FBXO15: variants seen among roughly 807,000 people sequenced by gnomAD.
FBXO15 encodes the protein F-box only protein 15.
Under a neutral mutation model 49.5 loss-of-function variants are expected in FBXO15, and 30 were observed. That is an observed-to-expected ratio of 0.61 (90% confidence interval 0.45 to 0.82). FBXO15 has a LOEUF of 0.82. Ranked by LOEUF, FBXO15 falls within the 40% of genes least tolerant of loss-of-function variation. The pLI, the probability that FBXO15 is intolerant of heterozygous loss-of-function variation, is 0.00. For synonymous variants in FBXO15, 250 were observed against 232.7 expected (o/e 1.07, Z -0.68); for missense variants, 591 against 631.5 (o/e 0.94, Z 0.69).
In FBXO15 at chr18:74,073,614, C is replaced by G; in HGVS notation, c.1380G>C (p.Leu460Phe). 1 of 1,614,170 alleles carries G rather than the reference C, an allele frequency of 6.2e-7. No homozygotes were observed. Among genetic ancestry groups the G allele is most frequent in the Non-Finnish European group, 8.5e-7 (1 of 1,180,026 alleles). Residue 460 changes from leucine (L) to phenylalanine (F), a missense_variant, in exon 10 of 10, where the codon TTG (leucine) becomes TTC (phenylalanine). Transcript: ENST00000419743. The stretch of plus-strand genomic sequence containing the variant: ...CGTAGTCCACGTTGTATGTCTGTCC[C>G]AAGAAGCTAGAGCTGTCAGAGGGTG... ...PATPSDSSSFLGQTYNVDYVD... is the reference protein window; with the variant it reads ...PATPSDSSSFFGQTYNVDYVD...
At chr18:74,083,742 G>A (rs1417596651) in intron 8 of FBXO15, among the ~76,000 whole-genome samples, 3 of 152,124 alleles carry the variant, frequency 2.0e-5, no homozygotes, top group South Asian at 2.1e-4. Flanking sequence ...AGCTCTTTCC[G>A]CCAACCCTCT....
At chr18:74,121,091 A>G (rs1914446386) in intron 8 of FBXO15, among the ~76,000 whole-genome samples, 1 of 152,168 alleles carries the variant, frequency 6.6e-6, no homozygotes, top group Non-Finnish European at 1.5e-5. Context: ...AATTCCTTAA[A>G]AGACAAAAAA....
chr18:74,091,711 G>A (rs1288036838), intron 8 of FBXO15, among the ~76,000 whole-genome samples: 3 of 152,138 alleles, frequency 2.0e-5, no homozygotes, highest in Non-Finnish European at 4.4e-5. Flanking sequence ...CTGACTAAAG[G>A]CACTCATTCT....
chr18:74,092,739 G>C (rs916955060), intron 8 of FBXO15, among the ~76,000 whole-genome samples: 1 of 152,134 alleles, frequency 6.6e-6, no homozygotes, highest in Non-Finnish European at 1.5e-5. Flanking sequence ...CCTCAGGATG[G>C]AAACCTGCTG....
Position 74,092,697 on chromosome 18 carries a change from A to C in FBXO15, c.1139-10646T>G, listed in dbSNP as rs973203786. 2.0e-5 allele frequency among the ~76,000 whole-genome samples: 3 copies of C among 152,278 alleles called. No homozygotes were observed. In the South Asian group the frequency reaches 6.2e-4, roughly 32 times the overall value. Reference sequence around the variant, plus strand: ...TGCATGTTTTAACTCTGGAAGACTGATATCATGACCCCAGCTTTGTTCTTT... The same window carrying C: ...TGCATGTTTTAACTCTGGAAGACTGCTATCATGACCCCAGCTTTGTTCTTT... On this transcript the variant is annotated intron_variant, in intron 8 of 9. Transcript: ENST00000419743.
chr18:74,142,901 G>T (rs1267354385), intron 1 of FBXO15, among the ~76,000 whole-genome samples: 1 of 152,012 alleles, frequency 6.6e-6, no homozygotes, highest in African/African-American at 2.4e-5. Flanking sequence ...TTTTTAAATG[G>T]TTATTATTGT....
chr18:74,093,948 G>A (rs1038578229), intron 8 of FBXO15, among the ~76,000 whole-genome samples: 4 of 152,214 alleles, frequency 2.6e-5, no homozygotes, highest in Admixed American at 2.0e-4. Context: ...AAAGACAAGA[G>A]AGAGACAAAA....
In FBXO15 at chr18:74,073,545, T is replaced by C; in HGVS notation, c.1449A>G (p.Arg483=). 1.2e-6 allele frequency: 2 copies of C among 1,614,202 alleles called. No homozygotes were observed. Among genetic ancestry groups the C allele is most frequent in the Non-Finnish European group, 1.7e-6 (2 of 1,180,044 alleles). ...TGACAATAAGGTATTCTTCGGTCTCTCTGATCCACACCAGCTCCACGTGCA... is the reference window on the plus strand; with the variant it reads ...TGACAATAAGGTATTCTTCGGTCTCCCTGATCCACACCAGCTCCACGTGCA... ...GRVHVELVWI[R]ETEEYLIVNL... The change falls in exon 10 of 10, where the codon AGA becomes AGG. Residue 483 remains arginine, a synonymous_variant. Transcript: ENST00000419743.
At chr18:74,082,949 A>G (rs1229484389) in intron 8 of FBXO15, among the ~76,000 whole-genome samples, 1 of 152,230 alleles carries the variant, frequency 6.6e-6, no homozygotes, top group African/African-American at 2.4e-5. Flanking sequence ...AAATAAAACC[A>G]AAGCCAAGCT....
chr18:74,090,547 A>G (rs1484924885), intron 8 of FBXO15, among the ~76,000 whole-genome samples: 5 of 152,158 alleles, frequency 3.3e-5, no homozygotes, highest in African/African-American at 1.2e-4. Flanking sequence ...GTTTAGTGCT[A>G]TAAACTTCCT....
At position 74,140,531 on chromosome 18, in the gene FBXO15, C is replaced by A. The variant is rs9949902; in HGVS notation, c.117-219G>T. On this transcript the variant is annotated intron_variant, in intron 1 of 9. Coordinates refer to ENST00000419743, the MANE Select transcript of FBXO15 (RefSeq NM_001142958.2). ...GAGACAGTGAAACCTTGATGGTAAGCAAGGAAGAAAGGCAGGGAGAAGGGA... is the reference window on the plus strand; with the variant it reads ...GAGACAGTGAAACCTTGATGGTAAGAAAGGAAGAAAGGCAGGGAGAAGGGA... 5.9e-3 allele frequency among the ~76,000 whole-genome samples: 636 copies of A among 107,000 alleles called. 97 individuals carry two copies. Among genetic ancestry groups the A allele is most frequent in the African/African-American group, 0.021 (580 of 27,836 alleles). The allele number at this position is 107,000 out of a possible 152,430, so 70.2% of individuals were successfully genotyped here.
Position 74,147,685 on chromosome 18 carries a change from C to A in FBXO15, c.101G>T (p.Arg34Met). ...CTACAGTCACCTGCACCCAAAGGCCCTGGCGCGCCCCCGGGCCGCGCCACC... is the reference window on the plus strand; with the variant it reads ...CTACAGTCACCTGCACCCAAAGGCCATGGCGCGCCCCCGGGCCGCGCCACC... ...RGGGAARGRA[R>M]AFGCRKGPGV... Residue 34 changes from arginine to methionine, a missense_variant, in exon 1 of 10, where the codon AGG becomes ATG. Arg to Met is a moderately conservative substitution (Grantham distance 91). Coordinates refer to ENST00000419743, the MANE Select transcript of FBXO15 (RefSeq NM_001142958.2). The A allele has an allele frequency of 6.7e-7, 1 of 1,496,650 alleles. No homozygotes were observed. The allele number at this position is 1,496,650 out of a possible 1,614,324, so 92.7% of individuals were successfully genotyped here.
At chr18:74,135,192 C>A (rs1444043036) in intron 3 of FBXO15, among the ~76,000 whole-genome samples, 3 of 152,278 alleles carry the variant, frequency 2.0e-5, no homozygotes, top group East Asian at 1.9e-4. Flanking sequence ...CACAGGTGAA[C>A]CCCTCTCTTT....
intron 8 of FBXO15, among the ~76,000 whole-genome samples, chr18:74,118,394 G>A (rs567221017): frequency 1.5e-4 from 20 of 134,030 alleles, no homozygotes; most frequent in East Asian, 9.9e-4. Context: ...TATGACCTGC[G>A]TATATACACA....
Position 74,123,405 on chromosome 18 carries a change from G to A in FBXO15, c.1101C>T (p.Tyr367=). 1 of 1,613,672 alleles carries A rather than the reference G, an allele frequency of 6.2e-7. No homozygotes were observed. Among genetic ancestry groups the A allele is most frequent in the African/African-American group, 1.3e-5 (1 of 74,970 alleles). The part of the protein sequence containing the change: ...HVDLHSGGVF[Y]LCGTFRNLFT... ...AGAGATTGCGAAATGTACCACATAGGTAGAAAACCCCACCGCTGTGCAGAT... is the reference window on the plus strand; with the variant it reads ...AGAGATTGCGAAATGTACCACATAGATAGAAAACCCCACCGCTGTGCAGAT... The change falls in exon 8 of 10, where the codon TAC becomes TAT. Residue 367 remains tyrosine, a synonymous_variant. Transcript: ENST00000419743.
chr18:74,108,330 CA>C (rs1198486328), intron 8 of FBXO15, among the ~76,000 whole-genome samples: 1 of 151,688 alleles, frequency 6.6e-6, no homozygotes, highest in Non-Finnish European at 1.5e-5. Flanking sequence ...AATAGGTAAG[CA>C]ATGTAAACAG....
intron 8 of FBXO15, among the ~76,000 whole-genome samples, chr18:74,112,121 A>G (rs1192569715): frequency 6.6e-6 from 1 of 152,232 alleles, no homozygotes; most frequent in Non-Finnish European, 1.5e-5. Context: ...TAAGGAAGAA[A>G]TAATATCAAT....
chr18:74,125,186 C>T (rs972921088), intron 6 of FBXO15, among the ~76,000 whole-genome samples: 2 of 152,174 alleles, frequency 1.3e-5, no homozygotes, highest in African/African-American at 2.4e-5. Flanking sequence ...ACAATCGAAG[C>T]CACCAGAGTG....
chr18:74,128,851 A>C (rs1441020765), intron 5 of FBXO15, among the ~76,000 whole-genome samples: 1 of 152,250 alleles, frequency 6.6e-6, no homozygotes, highest in Non-Finnish European at 1.5e-5. Context: ...CGCATTTTAT[A>C]GTGATATCTT....
Sources: allele counts gnomAD v4.1 joint callset (sites outside exome capture counted in the v4.1 genomes callset), GRCh38; gene constraint gnomAD v4.1.1; transcripts MANE v1.5; gene names NCBI Gene and HGNC (gene_info 2026-07-23, HGNC 2026-07-21).